GPHN: variants seen among roughly 807,000 people sequenced by gnomAD.
GPHN encodes the protein gephyrin.
Under a neutral mutation model 95.5 loss-of-function variants are expected in GPHN, and 17 were observed. The observed-to-expected ratio is 0.18, with a 90% CI of 0.12 to 0.27. The LOEUF (loss-of-function observed/expected upper bound fraction) is 0.27, where lower values mean the gene tolerates loss of function less well. GPHN is among the 10% of genes least tolerant of loss of function. The pLI, the probability that GPHN is intolerant of heterozygous loss-of-function variation, is 1.00. For missense variants in GPHN, 660 were observed against 978.1 expected, an observed-to-expected ratio of 0.67 and a Z score of 4.34; for synonymous variants, 320 against 322.5, an observed-to-expected ratio of 0.99 and a Z score of 0.08.
the GPHN span, among the ~76,000 whole-genome samples, chr14:67,362,737 A>AT: frequency 1.9e-3 from 294 of 152,264 alleles, 6 homozygotes; most frequent in East Asian, 0.054. Flanking sequence ...TTGCGGAATG[A>AT]TTTTTTTAAG....
rs2058034095 is a variant in GPHN at position 66,511,323 on chromosome 14, A to C, written c.64+2732A>C. The stretch of plus-strand genomic sequence containing the variant: ...ACTGAAGTATTGTGATTTCATACTT[A>C]AGAAAGTTGAGTTGAACTGTGGTTT... On this transcript the variant is annotated intron_variant, in intron 1 of 22. Coordinates refer to ENST00000478722, the MANE Select transcript of GPHN (RefSeq NM_020806.5). Among the ~76,000 whole-genome samples, 2 of 152,158 alleles carry C rather than the reference A, an allele frequency of 1.3e-5. 1 individual carries two copies. The highest frequency in any genetic ancestry group is 4.1e-4 in the South Asian group (2 of 4,830).
At chr14:67,728,032 T>C in the GPHN span, 3 of 152,260 alleles carry the variant, frequency 2.0e-5, no homozygotes, top group Non-Finnish European at 4.4e-5. Context: ...GATGTGCCCC[T>C]TTAACCTCCC....
intron 4 of GPHN, among the ~76,000 whole-genome samples, chr14:66,841,961 G>C (rs529259744): frequency 6.6e-6 from 1 of 152,216 alleles, no homozygotes; most frequent in Admixed American, 6.5e-5. Context: ...GCTGAGGCAG[G>C]CGAATTGCTT....
the GPHN span, chr14:67,578,440 G>C: frequency 1.0e-6 from 1 of 969,748 alleles, no homozygotes; most frequent in Non-Finnish European, 1.6e-6. This position sits in a 1 kb window ranked among gnomAD's most constrained non-coding sequence, Gnocchi z 5.0. Context: ...TCTGGTTTGG[G>C]GAAAGAGTGC....
intron 4 of GPHN, among the ~76,000 whole-genome samples, chr14:66,873,472 G>C (rs2063526191): frequency 6.6e-6 from 1 of 152,158 alleles, no homozygotes; most frequent in Non-Finnish European, 1.5e-5. Context: ...TAACTCAGCA[G>C]ATCCCACCCA....
intron 12 of GPHN, among the ~76,000 whole-genome samples, chr14:67,093,339 C>T (rs1421788109): frequency 6.6e-6 from 1 of 152,084 alleles, no homozygotes; most frequent in Admixed American, 6.6e-5. Context: ...GGTTAGAATA[C>T]ACCAAAATTC....
At chr14:66,722,253 G>A (rs1397235932) in intron 2 of GPHN, among the ~76,000 whole-genome samples, 3 of 151,956 alleles carry the variant, frequency 2.0e-5, no homozygotes, top group Admixed American at 1.3e-4. Flanking sequence ...AACTGATAAA[G>A]GTAACATGAA....
intron 5 of GPHN, 89 bp from the exon 6 acceptor site, chr14:66,915,914 A>C: frequency 1.3e-6 from 1 of 799,098 alleles, no homozygotes; most frequent in Non-Finnish European, 2.3e-6. Context: ...GTTCACATGT[A>C]AAGTAAAATG....
chr14:67,531,562 C>T, the GPHN span, among the ~76,000 whole-genome samples: 5 of 151,850 alleles, frequency 3.3e-5, no homozygotes, highest in South Asian at 2.1e-4. Flanking sequence ...GGAGAGCATG[C>T]TCCTCCCATT....
chr14:66,891,208 C>A (rs1169949639), intron 5 of GPHN, among the ~76,000 whole-genome samples: 1 of 151,470 alleles, frequency 6.6e-6, no homozygotes, highest in Non-Finnish European at 1.5e-5. Context: ...ACCATTAGAA[C>A]TAATAAATGA....
intron 11 of GPHN, among the ~76,000 whole-genome samples, chr14:67,062,700 G>T (rs1371667081): frequency 6.6e-6 from 1 of 152,162 alleles, no homozygotes; most frequent in African/African-American, 2.4e-5. Context: ...GTGTCTGTTG[G>T]CTGCATAAAT....
intron 5 of GPHN, among the ~76,000 whole-genome samples, chr14:66,887,682 G>A (rs547774275): frequency 6.6e-6 from 1 of 152,114 alleles, no homozygotes; most frequent in African/African-American, 2.4e-5. Context: ...CCTTTTACCT[G>A]GTATATCATG....
At chr14:66,949,308 C>T (rs1441333109) in intron 8 of GPHN, among the ~76,000 whole-genome samples, 8 of 152,132 alleles carry the variant, frequency 5.3e-5, no homozygotes, top group Non-Finnish European at 1.2e-4. Context: ...TGGTCTCGAA[C>T]TGGCTGGTCT....
the GPHN span, among the ~76,000 whole-genome samples, chr14:67,345,430 G>C: frequency 6.6e-6 from 1 of 151,640 alleles, no homozygotes; most frequent in South Asian, 2.1e-4. Flanking sequence ...GGTGGCACAT[G>C]TCTGTAATCA....
intron 1 of GPHN, among the ~76,000 whole-genome samples, chr14:66,626,153 T>A (rs900007172): frequency 4.6e-5 from 7 of 152,198 alleles, no homozygotes; most frequent in Admixed American, 3.9e-4. Context: ...AAGGTGCTTC[T>A]CCTCTACCAT....
the GPHN span, chr14:67,733,985 C>A: frequency 1.5e-6 from 1 of 659,830 alleles, no homozygotes; most frequent in East Asian, 3.1e-5. Flanking sequence ...CCTCTTGACC[C>A]TTCTGGGAAT....
intron 2 of GPHN, among the ~76,000 whole-genome samples, chr14:66,707,295 C>G (rs2069167075): frequency 6.6e-6 from 1 of 152,128 alleles, no homozygotes; most frequent in African/African-American, 2.4e-5. Context: ...CCATTTGACA[C>G]AGCAATTCCA....
intron 4 of GPHN, among the ~76,000 whole-genome samples, chr14:66,857,874 A>T (rs757647157): frequency 1.3e-5 from 2 of 152,160 alleles, no homozygotes; most frequent in Admixed American, 6.5e-5. Flanking sequence ...CAGCACAGTG[A>T]TTGTGAGACG....
the GPHN span, among the ~76,000 whole-genome samples, chr14:67,610,271 GT>G: frequency 6.6e-6 from 1 of 152,234 alleles, no homozygotes; most frequent in East Asian, 1.9e-4. Context: ...TTGGTTGGGG[GT>G]TTTTGTTGTT....
Sources: gnomAD v4.1 joint callset for allele counts (sites outside exome capture counted in the v4.1 genomes callset) on GRCh38, gnomAD v4.1.1 for gene constraint, Gnocchi (gnomAD v3.1) non-coding constraint, MANE v1.5 for transcripts, NCBI Gene and HGNC (gene_info 2026-07-23, HGNC 2026-07-21) for gene names.